MSMB: variants seen among roughly 807,000 people sequenced by gnomAD.
The protein encoded by MSMB is beta-microseminoprotein.
A neutral mutation model predicts 10.5 loss-of-function variants in MSMB; 10 were observed. The ratio of observed to expected loss-of-function variants is 0.95; its 90% confidence interval spans 0.59 to 1.62. MSMB has a LOEUF of 1.62. Ranked by LOEUF, MSMB falls within the 40% of genes most tolerant of loss-of-function variation. The pLI, the probability that MSMB is intolerant of heterozygous loss-of-function variation, is 0.00. For synonymous variants in MSMB, 43 were observed against 46.5 expected (o/e 0.93, Z 0.30); for missense variants, 126 against 137.4 (o/e 0.92, Z 0.42).
intron 3 of MSMB, among the ~76,000 whole-genome samples, chr10:46,036,148 G>A (rs1181792424): frequency 1.3e-5 from 2 of 152,070 alleles, no homozygotes; most frequent in African/African-American, 2.4e-5. Flanking sequence ...CCCGGGCAGC[G>A]TGGAGCCCAG....
rs1564933358 is a variant in MSMB at position 46,033,571 on chromosome 10, G to A, written c.216-20C>T. The A allele has an allele frequency of 5.0e-6, 8 of 1,612,114 alleles. No individual in the cohort carries two copies. The highest frequency in any genetic ancestry group is 6.8e-6 in the Non-Finnish European group (8 of 1,178,544). ...GAAACACTGTCATTGAGACAAAACT[G>A]GGGCCTGTTAGAAGAGAAAGGACCC... is the stretch of plus-strand genomic sequence containing the variant. On this transcript the variant is annotated intron_variant, in intron 3 of 3. Transcript: ENST00000582163.
chr10:46,037,634 A>G (rs1362210919), intron 3 of MSMB, among the ~76,000 whole-genome samples: 1 of 152,192 alleles, frequency 6.6e-6, no homozygotes, highest in Non-Finnish European at 1.5e-5. Flanking sequence ...GGTGCAAGGC[A>G]CACTACAGAT....
Position 46,040,034 on chromosome 10 carries a change from A to T in MSMB, c.61T>A (p.Ser21Thr). 4 of 1,614,068 alleles carry T rather than the reference A, an allele frequency of 2.5e-6. No homozygotes were observed. The highest frequency in any genetic ancestry group is 3.4e-6 in the Non-Finnish European group (4 of 1,179,912). Residue 21 changes from serine (S) to threonine (T), a missense_variant, in exon 2 of 4, where the codon TCA becomes ACA. Transcript: ENST00000582163. ...CCCTCATTAGGTATGAAATAGCATG[A>T]TGCATTGCATAAAGTCACGAAGGTG... ...FATFVTLCNA[S>T]CYFIPNEGVP...
chr10:46,041,821 C>A, intron 1 of MSMB, among the ~76,000 whole-genome samples: 2 of 148,266 alleles, frequency 1.3e-5, no homozygotes, highest in African/African-American at 2.5e-5. Flanking sequence ...ACACAGAGAT[C>A]AAAATAGAAA....
At chr10:46,034,591 C>T (rs1213890019) in intron 3 of MSMB, among the ~76,000 whole-genome samples, 3 of 151,060 alleles carry the variant, frequency 2.0e-5, no homozygotes, top group African/African-American at 7.3e-5. Context: ...CTTGGGAGGC[C>T]GAGGCGGGCG....
chr10:46,041,818 G>C (rs1424456934), intron 1 of MSMB, among the ~76,000 whole-genome samples: 3 of 149,960 alleles, frequency 2.0e-5, no homozygotes, highest in African/African-American at 7.4e-5. Context: ...CAAACACAGA[G>C]ATCAAAATAG....
In MSMB at chr10:46,040,031, A is replaced by G; in HGVS notation, c.64T>C (p.Cys22Arg). The G allele has an allele frequency of 6.2e-7, 1 of 1,614,076 alleles. No homozygotes were observed. The highest frequency in any genetic ancestry group is 1.1e-5 in the South Asian group (1 of 91,092). ...ACTCCCTCATTAGGTATGAAATAGC[A>G]TGATGCATTGCATAAAGTCACGAAG... ...ATFVTLCNAS[C>R]YFIPNEGVPG... The change falls in exon 2 of 4, where the codon TGC becomes CGC. Residue 22 changes from cysteine to arginine, a missense_variant. Coordinates refer to ENST00000582163, the MANE Select transcript of MSMB (RefSeq NM_002443.4).
chr10:46,043,464 A>T (rs1840798979), intron 1 of MSMB, among the ~76,000 whole-genome samples: 1 of 117,034 alleles, frequency 8.5e-6, no homozygotes. Context: ...TCTGAAACTC[A>T]GTTTTCCTTC....
chr10:46,045,492 C>T (rs373843142), intron 1 of MSMB, among the ~76,000 whole-genome samples: 1 of 152,020 alleles, frequency 6.6e-6, no homozygotes. Flanking sequence ...ATGACTGCAC[C>T]ACTGCACTCC....
chr10:46,038,046 T>C (rs374880208), intron 3 of MSMB, among the ~76,000 whole-genome samples: 1 of 152,310 alleles, frequency 6.6e-6, no homozygotes, highest in East Asian at 1.9e-4. Flanking sequence ...ATGATTCCAC[T>C]TATATGAGGG....
At position 46,033,582 on chromosome 10, in the gene MSMB, GA is replaced by G. The variant is rs781919456; in HGVS notation, c.216-32del. The G allele has an allele frequency of 2.8e-5, 45 of 1,610,200 alleles. No individual in the cohort carries two copies. In the African/African-American group the frequency reaches 5.6e-4, roughly 20 times the overall value. ...ATTGAGACAAAACTGGGGCCTGTTA[GA>G]AGAGAAAGGACCCCGAGCACCCCCT... is the stretch of plus-strand genomic sequence containing the variant. On this transcript the variant is annotated intron_variant, in intron 3 of 3. Transcript: ENST00000582163.
chr10:46,039,179 G>A (rs1191347135), intron 2 of MSMB, 108 bp from the exon 3 acceptor site: 1 of 907,772 alleles, frequency 1.1e-6, no homozygotes, highest in Non-Finnish European at 1.8e-6. Flanking sequence ...AGAGAGAGAG[G>A]AGCTCAATTA....
intron 1 of MSMB, among the ~76,000 whole-genome samples, chr10:46,042,261 A>G (rs932451782): frequency 6.6e-6 from 1 of 152,200 alleles, no homozygotes; most frequent in Non-Finnish European, 1.5e-5. Flanking sequence ...AAAAAGGGCA[A>G]GAGAAATAAA....
At chr10:46,040,911 G>A (rs1473599382) in intron 1 of MSMB, among the ~76,000 whole-genome samples, 6 of 150,686 alleles carry the variant, frequency 4.0e-5, no homozygotes, top group African/African-American at 1.5e-4. Context: ...CCGAGATCTG[G>A]CCACTGCACT....
rs117041788 is a variant in MSMB, at chr10:46,039,334, T to C, written c.110-263A>G. On this transcript the variant is annotated intron_variant, in intron 2 of 3. Coordinates refer to ENST00000582163, the MANE Select transcript of MSMB (RefSeq NM_002443.4). ...TCAGAACAGATATTTCAAGAAAAAA[T>C]AAGGCCCTTTTATTGAATTAGATAG... Among the ~76,000 whole-genome samples the C allele has an allele frequency of 4.5e-4, 68 of 152,292 alleles. No homozygotes were observed. In the East Asian group the frequency reaches 0.012, roughly 27 times the overall value.
intron 3 of MSMB, among the ~76,000 whole-genome samples, chr10:46,034,363 C>T (rs1270302684): frequency 6.6e-6 from 1 of 151,584 alleles, no homozygotes; most frequent in Non-Finnish European, 1.5e-5. Flanking sequence ...CTCCTGACCT[C>T]AAATGATCCA....
At chr10:46,038,885 T>G in intron 3 of MSMB, 81 bp downstream of exon 3, 1 of 1,214,084 alleles carries the variant, frequency 8.2e-7, no homozygotes, top group Non-Finnish European at 1.2e-6. Flanking sequence ...CCCCTGAAGA[T>G]TGGAATTTTG....
intron 1 of MSMB, among the ~76,000 whole-genome samples, chr10:46,041,340 G>A (rs1183895603): frequency 5.4e-5 from 4 of 73,636 alleles, no homozygotes; most frequent in Admixed American, 2.9e-4. Context: ...GTGAGACTCC[G>A]TCTCAAAAAA....
chr10:46,036,772 T>A (rs1397879782), intron 3 of MSMB, among the ~76,000 whole-genome samples: 1 of 151,928 alleles, frequency 6.6e-6, no homozygotes, highest in Non-Finnish European at 1.5e-5. Flanking sequence ...CAGCCTACAG[T>A]GGAGAATCTT....
Sources: allele counts gnomAD v4.1 joint callset (sites outside exome capture counted in the v4.1 genomes callset), GRCh38; gene constraint gnomAD v4.1.1; transcripts MANE v1.5; gene names NCBI Gene and HGNC (gene_info 2026-07-23, HGNC 2026-07-21).